The following SUGCT variants were observed in gnomAD, a reference collection of about 807,000 sequenced individuals.
SUGCT encodes the protein succinyl-CoA:glutarate-CoA transferase, also known as succinyl-CoA:glutarate CoA-transferase.
A neutral mutation model predicts 55.0 loss-of-function variants in SUGCT; 41 were observed. The ratio of observed to expected loss-of-function variants is 0.74; its 90% CI spans 0.58 to 0.97. The LOEUF (loss-of-function observed/expected upper bound fraction) is 0.97. SUGCT is among the 50% of genes least tolerant of loss of function. The pLI, the probability that SUGCT is intolerant of heterozygous loss-of-function variation, is 0.00. For synonymous variants in SUGCT, 187 were observed against 200.4 expected, an observed-to-expected ratio of 0.93 and a Z score of 0.56; for missense variants, 568 against 547.8, an observed-to-expected ratio of 1.04 and a Z score of -0.37.
chr7:40,137,453 A>C (rs1787756962), intron 1 of SUGCT, among the ~76,000 whole-genome samples: 1 of 152,132 alleles, frequency 6.6e-6, no homozygotes, highest in Non-Finnish European at 1.5e-5. Flanking sequence ...ATTTAATAGT[A>C]AACAGTTTAA....
chr7:40,590,907 G>GA (rs974721977), intron 12 of SUGCT, among the ~76,000 whole-genome samples: 3 of 151,522 alleles, frequency 2.0e-5, no homozygotes, highest in Non-Finnish European at 4.4e-5. Flanking sequence ...CTAGTGCTCA[G>GA]AAAAAAAAAT....
chr7:40,407,439 A>G (rs1184802773), intron 9 of SUGCT, among the ~76,000 whole-genome samples: 2 of 152,028 alleles, frequency 1.3e-5, no homozygotes, highest in African/African-American at 4.8e-5. Context: ...GTTGATGAAA[A>G]TATAAAATAT....
chr7:40,620,803 G>A (rs1395315098), intron 12 of SUGCT, among the ~76,000 whole-genome samples: 2 of 152,166 alleles, frequency 1.3e-5, no homozygotes, highest in Non-Finnish European at 2.9e-5. Context: ...AGATTGTTAA[G>A]TGTTAATTTA....
At chr7:40,518,207 C>T (rs1419090945) in intron 12 of SUGCT, among the ~76,000 whole-genome samples, 1 of 152,092 alleles carries the variant, frequency 6.6e-6, no homozygotes, top group Non-Finnish European at 1.5e-5. Flanking sequence ...TGAATGACCA[C>T]ACTGAAATGG....
rs558688282 is a variant in SUGCT at position 40,665,099 on chromosome 7, T to C, written c.1090-84335T>C. 2.0e-5 allele frequency among the ~76,000 whole-genome samples: 3 copies of C among 152,108 alleles called. No homozygotes were observed. The South Asian group carries it at 6.2e-4, about 32-fold the overall frequency. On this transcript the variant is annotated intron_variant, in intron 12 of 13. Transcript: ENST00000335693. ...TATTGAACACCCTGGGGAATATAGATACATAAGGCTGGGCCAAGAAAGTGA... is the reference window on the plus strand; with the variant it reads ...TATTGAACACCCTGGGGAATATAGACACATAAGGCTGGGCCAAGAAAGTGA...
the SUGCT span, among the ~76,000 whole-genome samples, chr7:40,985,374 A>G: frequency 6.6e-6 from 1 of 152,222 alleles, no homozygotes; most frequent in Non-Finnish European, 1.5e-5. Context: ...TGCAGGAGAT[A>G]GACATCAAAA....
intron 12 of SUGCT, among the ~76,000 whole-genome samples, chr7:40,732,409 A>G (rs1341697260): frequency 6.6e-6 from 1 of 152,222 alleles, no homozygotes; most frequent in Non-Finnish European, 1.5e-5. Flanking sequence ...CTCTTTTTCT[A>G]AATAAGGTAA....
At chr7:40,870,352 ATCT>A in the SUGCT span, among the ~76,000 whole-genome samples, 7 of 152,216 alleles carry the variant, frequency 4.6e-5, no homozygotes, top group South Asian at 1.2e-3. Context: ...GTGGTGTAAC[ATCT>A]TCTCTCTCTC....
At chr7:40,805,270 A>T (rs1791032232) in intron 13 of SUGCT, among the ~76,000 whole-genome samples, 1 of 152,138 alleles carries the variant, frequency 6.6e-6, no homozygotes, top group Non-Finnish European at 1.5e-5. Context: ...TTTGAGCCTC[A>T]TGCATAGCAC....
At chr7:40,353,970 T>G (rs1380225961) in intron 9 of SUGCT, among the ~76,000 whole-genome samples, 2 of 152,216 alleles carry the variant, frequency 1.3e-5, no homozygotes, top group East Asian at 3.8e-4. Flanking sequence ...AGTGCAACAT[T>G]GAGAAAAACA....
At chr7:40,782,374 T>C (rs1427513749) in intron 13 of SUGCT, among the ~76,000 whole-genome samples, 1 of 152,182 alleles carries the variant, frequency 6.6e-6, no homozygotes, top group East Asian at 1.9e-4. Context: ...TAGTTTTCCT[T>C]TGTTTTCTTT....
the SUGCT span, among the ~76,000 whole-genome samples, chr7:40,988,313 A>G: frequency 6.7e-6 from 1 of 150,364 alleles, no homozygotes; most frequent in Non-Finnish European, 1.5e-5. Flanking sequence ...GTGGGTGGAG[A>G]TAAGACCTTA....
chr7:40,676,493 TTTTG>T lies in SUGCT; in HGVS notation c.1090-72937_1090-72934del, dbSNP rs1483087661. Among the ~76,000 whole-genome samples the T allele has an allele frequency of 6.6e-3, 929 of 140,784 alleles. 12 individuals carry two copies. The highest frequency in any genetic ancestry group is 0.026 in the African/African-American group (860 of 33,414). The allele number at this position is 140,784 out of a possible 152,430, so 92.4% of individuals were successfully genotyped here. ...CACCAAGGAGAAAAATCCCTTGCGG[TTTTG>T]TTTTTTGTTTTTTTTTTTTTTTTGA... On this transcript the variant is annotated intron_variant, in intron 12 of 13. Transcript: ENST00000335693.
intron 13 of SUGCT, among the ~76,000 whole-genome samples, chr7:40,785,413 C>A (rs183410757): frequency 1.3e-5 from 2 of 152,266 alleles, no homozygotes; most frequent in Admixed American, 1.3e-4. Flanking sequence ...AAAGCTTAGT[C>A]CCAGTTGGAG....
At chr7:40,968,094 C>T in the SUGCT span, 1 of 152,292 alleles carries the variant, frequency 6.6e-6, no homozygotes. Context: ...GAAAAACATA[C>T]TCATTGTATG....
the SUGCT span, among the ~76,000 whole-genome samples, chr7:41,030,400 T>C: frequency 6.6e-6 from 1 of 152,194 alleles, no homozygotes; most frequent in Non-Finnish European, 1.5e-5. Flanking sequence ...AGGAGTTCAT[T>C]TAACCCTTCT....
intron 12 of SUGCT, among the ~76,000 whole-genome samples, chr7:40,710,526 C>T (rs1785655765): frequency 6.6e-6 from 1 of 152,046 alleles, no homozygotes; most frequent in Non-Finnish European, 1.5e-5. Flanking sequence ...CTCCTTCATT[C>T]TCACTCCTCT....
At chr7:40,331,745 G>T (rs1796320040) in intron 9 of SUGCT, among the ~76,000 whole-genome samples, 1 of 152,192 alleles carries the variant, frequency 6.6e-6, no homozygotes, top group Non-Finnish European at 1.5e-5. Flanking sequence ...CATGACAATG[G>T]TGTGGGTCAG....
chr7:40,250,861 G>A (rs1388192507), intron 7 of SUGCT, among the ~76,000 whole-genome samples: 1 of 143,260 alleles, frequency 7.0e-6, no homozygotes, highest in Non-Finnish European at 1.5e-5. Flanking sequence ...TTTTAAGACG[G>A]GGTCTCACCC....
Sources: gnomAD v4.1 joint callset for allele counts (sites outside exome capture counted in the v4.1 genomes callset) on GRCh38, gnomAD v4.1.1 for gene constraint, MANE v1.5 for transcripts, NCBI Gene and HGNC (gene_info 2026-07-23, HGNC 2026-07-21) for gene names.